KCNN2: variants seen among roughly 807,000 people sequenced by gnomAD.
KCNN2 encodes the protein potassium calcium-activated channel subfamily N member 2.
KCNN2 carries 24 observed loss-of-function variants against 55.5 expected under a neutral mutation model. The observed-to-expected ratio is 0.43, with a 90% CI of 0.31 to 0.61. The LOEUF (loss-of-function observed/expected upper bound fraction) is 0.61. Ranked by LOEUF, KCNN2 falls within the 20% of genes least tolerant of loss-of-function variation. The pLI is 0.08. For missense variants in KCNN2, 754 were observed against 853.6 expected (o/e 0.88, Z 1.45); for synonymous variants, 431 against 336.1 (o/e 1.28, Z -3.09).
At chr5:114,277,903 T>G (rs1755525448) in intron 2 of KCNN2, among the ~76,000 whole-genome samples, 2 of 152,206 alleles carry the variant, frequency 1.3e-5, no homozygotes, top group South Asian at 2.1e-4. Context: ...CGTTTTCCTT[T>G]GGAGGAGAAA....
chr5:114,299,150 T>C (rs1021197265), intron 2 of KCNN2, among the ~76,000 whole-genome samples: 2 of 151,498 alleles, frequency 1.3e-5, no homozygotes, highest in Middle Eastern at 3.4e-3. Flanking sequence ...TTTGGTTTTC[T>C]TGTTCTTTCC....
intron 2 of KCNN2, among the ~76,000 whole-genome samples, chr5:114,373,348 T>A (rs908369893): frequency 6.6e-6 from 1 of 151,900 alleles, no homozygotes; most frequent in African/African-American, 2.4e-5. Context: ...GAAAGCAATA[T>A]TGGAAGATAA....
intron 3 of KCNN2, chr5:114,433,860 A>T (rs892193574): frequency 6.4e-6 from 1 of 155,176 alleles, no homozygotes; most frequent in Non-Finnish European, 1.4e-5. Flanking sequence ...GAGCTGTAAC[A>T]CTCACCGCCA....
chr5:114,393,215 G>A (rs1232965491), intron 2 of KCNN2, among the ~76,000 whole-genome samples: 1 of 152,034 alleles, frequency 6.6e-6, no homozygotes, highest in Admixed American at 6.6e-5. Context: ...CATTCAGTAA[G>A]TGAATGAAAA....
chr5:114,270,289 A>G (rs1755301258), intron 2 of KCNN2, among the ~76,000 whole-genome samples: 1 of 152,240 alleles, frequency 6.6e-6, no homozygotes, highest in African/African-American at 2.4e-5. Flanking sequence ...TATTGAAAAT[A>G]CGGGTAACAA....
At chr5:114,119,374 T>C (rs951713945) in intron 1 of KCNN2, among the ~76,000 whole-genome samples, 2 of 152,186 alleles carry the variant, frequency 1.3e-5, no homozygotes, top group African/African-American at 4.8e-5. Context: ...TTATAAGTGT[T>C]TTCCATTGGC....
chr5:114,452,839 T>C (rs909146092), intron 3 of KCNN2, among the ~76,000 whole-genome samples: 1 of 152,240 alleles, frequency 6.6e-6, no homozygotes, highest in Non-Finnish European at 1.5e-5. Flanking sequence ...GGCAGTAAGC[T>C]CTTTTCCTTT....
intron 1 of KCNN2, among the ~76,000 whole-genome samples, chr5:114,092,718 GC>G (rs1751170155): frequency 1.3e-5 from 2 of 152,134 alleles, no homozygotes; most frequent in African/African-American, 4.8e-5. Flanking sequence ...GCACCCACAG[GC>G]CCAACACCAC....
At chr5:114,446,533 C>T (rs1249780529) in intron 3 of KCNN2, among the ~76,000 whole-genome samples, 2 of 152,152 alleles carry the variant, frequency 1.3e-5, no homozygotes, top group Non-Finnish European at 2.9e-5. Context: ...TCTCAGCTCC[C>T]TGCCACCTCC....
intron 2 of KCNN2, among the ~76,000 whole-genome samples, chr5:114,318,031 A>G (rs567252260): frequency 1.3e-5 from 2 of 152,322 alleles, no homozygotes; most frequent in South Asian, 2.1e-4. Context: ...TACTAGAAGG[A>G]TAAGTCCATT....
intron 2 of KCNN2, among the ~76,000 whole-genome samples, chr5:114,330,248 T>C (rs969091480): frequency 6.6e-6 from 1 of 152,190 alleles, no homozygotes; most frequent in Non-Finnish European, 1.5e-5. Context: ...TTACTGAGCT[T>C]AGTTCAGGAA....
chr5:114,394,876 T>C (rs899000942), intron 2 of KCNN2, among the ~76,000 whole-genome samples: 1 of 152,212 alleles, frequency 6.6e-6, no homozygotes, highest in Non-Finnish European at 1.5e-5. Context: ...ATTTTAATGA[T>C]TAACTTATGT....
chr5:114,409,041 C>T (rs1449373095), intron 3 of KCNN2, among the ~76,000 whole-genome samples: 2 of 152,066 alleles, frequency 1.3e-5, no homozygotes, highest in African/African-American at 4.8e-5. Flanking sequence ...GGACAGAGGC[C>T]AAAACTCTGG....
intron 2 of KCNN2, among the ~76,000 whole-genome samples, chr5:114,279,005 C>A (rs762239808): frequency 1.5e-4 from 15 of 102,970 alleles, no homozygotes; most frequent in Non-Finnish European, 2.8e-4. Flanking sequence ...TTCTTGGAAG[C>A]AACCCCCTAG....
At chr5:114,425,568 A>G (rs1437889129) in intron 3 of KCNN2, among the ~76,000 whole-genome samples, 2 of 152,132 alleles carry the variant, frequency 1.3e-5, no homozygotes, top group Non-Finnish European at 2.9e-5. Flanking sequence ...GGTTAAATCA[A>G]ATGCTCCACC....
At chr5:114,450,232 C>T (rs897418739) in intron 3 of KCNN2, among the ~76,000 whole-genome samples, 4 of 152,238 alleles carry the variant, frequency 2.6e-5, no homozygotes, top group African/African-American at 7.2e-5. Flanking sequence ...CAGAGCCTGG[C>T]ACACATCAGA....
At chr5:114,135,652 T>C (rs1752159149) in intron 1 of KCNN2, among the ~76,000 whole-genome samples, 1 of 152,208 alleles carries the variant, frequency 6.6e-6, no homozygotes, top group South Asian at 2.1e-4. Flanking sequence ...AGTTAGTTTT[T>C]CTGATGTGAG....
chr5:114,340,472 T>A (rs764958491), intron 2 of KCNN2, among the ~76,000 whole-genome samples: 1 of 152,172 alleles, frequency 6.6e-6, no homozygotes, highest in African/African-American at 2.4e-5. Context: ...TTTGGTTAAT[T>A]TACTTTTTCA....
chr5:114,092,320 C>G (rs1346422268), intron 1 of KCNN2, among the ~76,000 whole-genome samples: 1 of 152,194 alleles, frequency 6.6e-6, no homozygotes, highest in African/African-American at 2.4e-5. Flanking sequence ...CCAGGTCATG[C>G]TGATACAAGA....
Sources: allele counts gnomAD v4.1 joint callset (sites outside exome capture counted in the v4.1 genomes callset), GRCh38; gene constraint gnomAD v4.1.1; transcripts MANE v1.5; gene names NCBI Gene and HGNC (gene_info 2026-07-23, HGNC 2026-07-21).